Variants in SETBP1 observed in about 807,000 individuals in gnomAD.
SETBP1 encodes the protein SET binding protein 1.
A neutral mutation model predicts 101.0 loss-of-function variants in SETBP1; 9 were observed. The observed-to-expected ratio is 0.09, with a 90% CI of 0.05 to 0.16. SETBP1 has a LOEUF of 0.16. Ranked by LOEUF, SETBP1 falls within the 10% of genes least tolerant of loss-of-function variation. The pLI is 1.00. For missense variants in SETBP1, 1,858 were observed against 2,033.8 expected, an observed-to-expected ratio of 0.91 and a Z score of 1.66; for synonymous variants, 818 against 788.5, an observed-to-expected ratio of 1.04 and a Z score of -0.63.
At chr18:44,820,959 C>T (rs1375860045) in intron 2 of SETBP1, among the ~76,000 whole-genome samples, 1 of 152,162 alleles carries the variant, frequency 6.6e-6, no homozygotes, top group African/African-American at 2.4e-5. Flanking sequence ...GTAACATTTC[C>T]TTTCATTGAA....
intron 2 of SETBP1, among the ~76,000 whole-genome samples, chr18:44,836,310 T>G (rs1399507668): frequency 1.3e-5 from 2 of 152,228 alleles, no homozygotes; most frequent in East Asian, 3.8e-4. Context: ...TAGAGTCTCA[T>G]GCCTTTTCCC....
In SETBP1 at chr18:44,961,636, T is replaced by G. The variant is rs117629037; in HGVS notation, c.4000+8296T>G. On this transcript the variant is annotated intron_variant, in intron 4 of 5. Coordinates refer to ENST00000649279, the MANE Select transcript of SETBP1 (RefSeq NM_015559.3). ...AACACAATGCCAGATTCCCTTATACTATGTCATTCCACATGTCATAGTATA... is the reference window on the plus strand; with the variant it reads ...AACACAATGCCAGATTCCCTTATACGATGTCATTCCACATGTCATAGTATA... Among the ~76,000 whole-genome samples, 316 of 152,328 alleles carry G rather than the reference T, an allele frequency of 2.1e-3. 1 individual carries two copies. Among genetic ancestry groups the G allele is most frequent in the African/African-American group, 7.2e-3 (298 of 41,578 alleles).
At chr18:44,880,977 G>C (rs976287485) in intron 3 of SETBP1, among the ~76,000 whole-genome samples, 1 of 152,190 alleles carries the variant, frequency 6.6e-6, no homozygotes, top group Non-Finnish European at 1.5e-5. Context: ...ATCAATATTT[G>C]TGGGACCTAT....
Position 45,026,982 on chromosome 18 carries a change from A to T in SETBP1, c.4001-11503A>T, listed in dbSNP as rs115250640. On this transcript the variant is annotated intron_variant, in intron 4 of 5. Coordinates refer to ENST00000649279, the MANE Select transcript of SETBP1 (RefSeq NM_015559.3). ...GGAAGAATAGAATCTGATGTTGGAG[A>T]TGCAGAAAAATTAAAACCTTTAACT... Among the ~76,000 whole-genome samples the T allele has an allele frequency of 4.3e-3, 648 of 152,224 alleles. 6 individuals carry two copies. The highest frequency in any genetic ancestry group is 0.015 in the African/African-American group (623 of 41,534).
intron 4 of SETBP1, among the ~76,000 whole-genome samples, chr18:45,032,125 T>A (rs1371952541): frequency 6.6e-6 from 1 of 152,138 alleles, no homozygotes; most frequent in Non-Finnish European, 1.5e-5. Flanking sequence ...TTGACTCTGT[T>A]CGGAAAGGAC....
intron 2 of SETBP1, among the ~76,000 whole-genome samples, chr18:44,823,541 C>T (rs1414107600): frequency 6.6e-6 from 1 of 152,220 alleles, no homozygotes; most frequent in Non-Finnish European, 1.5e-5. Flanking sequence ...CACTTCTATT[C>T]AGGCTTACGA....
intron 4 of SETBP1, among the ~76,000 whole-genome samples, chr18:45,015,590 G>C (rs1378394417): frequency 6.6e-6 from 1 of 152,170 alleles, no homozygotes; most frequent in Non-Finnish European, 1.5e-5. Flanking sequence ...AGGTCAGAGG[G>C]TTTTTAGAGA....
In SETBP1 at chr18:44,841,532, T is replaced by C. The variant is rs550472090; in HGVS notation, c.487-27698T>C. ...AGTACCAAAGAATTTGTGGACTTAT[T>C]TGAAAACCATCCATGGCCAAACTCA... On this transcript the variant is annotated intron_variant, in intron 2 of 5. Coordinates refer to ENST00000649279, the MANE Select transcript of SETBP1 (RefSeq NM_015559.3). 2.6e-5 allele frequency among the ~76,000 whole-genome samples: 4 copies of C among 152,286 alleles called. No homozygotes were observed. The East Asian group carries it at 5.8e-4, about 22-fold the overall frequency.
intron 3 of SETBP1, among the ~76,000 whole-genome samples, chr18:44,943,292 G>C (rs940555386): frequency 6.6e-6 from 1 of 152,180 alleles, no homozygotes; most frequent in African/African-American, 2.4e-5. Flanking sequence ...GGTCTGTTCT[G>C]TTGGGGGTTT....
chr18:44,937,201 C>G (rs1293192095), intron 3 of SETBP1, among the ~76,000 whole-genome samples: 1 of 151,968 alleles, frequency 6.6e-6, no homozygotes, highest in African/African-American at 2.4e-5. Flanking sequence ...GCCTGTAATC[C>G]CAGCACTTTG....
intron 4 of SETBP1, among the ~76,000 whole-genome samples, chr18:44,995,146 T>TC (rs2072463233): frequency 7.0e-6 from 1 of 143,644 alleles, no homozygotes; most frequent in South Asian, 2.3e-4. Flanking sequence ...TTTTTTTTTT[T>TC]TTTTTTTTTT....
At chr18:44,714,746 A>G (rs1235198498) in intron 2 of SETBP1, among the ~76,000 whole-genome samples, 1 of 151,962 alleles carries the variant, frequency 6.6e-6, no homozygotes, top group Non-Finnish European at 1.5e-5. Flanking sequence ...TAGGGTATAG[A>G]AAGATGTTGC....
At chr18:44,805,577 C>T (rs555888109) in intron 2 of SETBP1, among the ~76,000 whole-genome samples, 88 of 152,250 alleles carry the variant, frequency 5.8e-4, no homozygotes, top group African/African-American at 1.9e-3. Flanking sequence ...TCCTTTTTAA[C>T]TTTGATTATG....
At chr18:44,717,396 CT>C (rs2069490081) in intron 2 of SETBP1, among the ~76,000 whole-genome samples, 1 of 152,354 alleles carries the variant, frequency 6.6e-6, no homozygotes, top group East Asian at 1.9e-4. Flanking sequence ...CTTTTGTCCT[CT>C]TTTTCTGTCA....
chr18:44,899,942 C>T (rs2070002502), intron 3 of SETBP1, among the ~76,000 whole-genome samples: 1 of 152,134 alleles, frequency 6.6e-6, no homozygotes, highest in Admixed American at 6.5e-5. Flanking sequence ...ATATTTTAGG[C>T]TTTGCAAGCC....
At chr18:44,853,633 C>T (rs2072915645) in intron 2 of SETBP1, among the ~76,000 whole-genome samples, 2 of 152,126 alleles carry the variant, frequency 1.3e-5, no homozygotes, top group African/African-American at 2.4e-5. Context: ...AACACACTGC[C>T]CCATCTGCAT....
chr18:44,895,736 ATTAAC>A (rs1427645300), intron 3 of SETBP1, among the ~76,000 whole-genome samples: 3 of 152,182 alleles, frequency 2.0e-5, no homozygotes, highest in Non-Finnish European at 4.4e-5. Context: ...AGGATGACTT[ATTAAC>A]TTAACAATGT....
At chr18:44,901,457 T>C (rs996335880) in intron 3 of SETBP1, among the ~76,000 whole-genome samples, 2 of 152,212 alleles carry the variant, frequency 1.3e-5, no homozygotes, top group Non-Finnish European at 2.9e-5. Context: ...CATCTTTGCC[T>C]GCATATGAGT....
chr18:44,933,390 T>G (rs897163457), intron 3 of SETBP1, among the ~76,000 whole-genome samples: 11 of 152,250 alleles, frequency 7.2e-5, no homozygotes, highest in Non-Finnish European at 1.5e-4. Context: ...GTTAGGCTAC[T>G]CGGGGGTCAG....
Sources: gnomAD v4.1 joint callset for allele counts (sites outside exome capture counted in the v4.1 genomes callset) on GRCh38, gnomAD v4.1.1 for gene constraint, MANE v1.5 for transcripts, NCBI Gene and HGNC (gene_info 2026-07-23, HGNC 2026-07-21) for gene names.